The following TMEM163 variants were observed in gnomAD, a reference collection of about 807,000 sequenced individuals.
The protein encoded by TMEM163 is transmembrane protein 163.
A neutral mutation model predicts 29.3 loss-of-function variants in TMEM163; 17 were observed. The ratio of observed to expected loss-of-function variants is 0.58; its 90% confidence interval spans 0.40 to 0.87. The LOEUF (loss-of-function observed/expected upper bound fraction) is 0.87. Ranked by LOEUF, TMEM163 falls within the 40% of genes least tolerant of loss-of-function variation. The pLI is 0.00. For synonymous variants in TMEM163, 157 were observed against 160.6 expected (o/e 0.98, Z 0.17); for missense variants, 303 against 381.5 (o/e 0.79, Z 1.71).
chr2:134,497,076 C>T (rs79314943), intron 5 of TMEM163, among the ~76,000 whole-genome samples: 2 of 152,260 alleles, frequency 1.3e-5, no homozygotes, highest in East Asian at 3.9e-4. Flanking sequence ...CTACTCCAGG[C>T]TTGACAAAAA....
intron 5 of TMEM163, among the ~76,000 whole-genome samples, chr2:134,495,078 T>C (rs1202427448): frequency 6.6e-6 from 1 of 151,882 alleles, no homozygotes; most frequent in South Asian, 2.1e-4. Context: ...TGAGGGGTGG[T>C]GGGAATTGAA....
chr2:134,640,352 T>C (rs1315142847), intron 2 of TMEM163, among the ~76,000 whole-genome samples: 2 of 151,916 alleles, frequency 1.3e-5, no homozygotes, highest in Admixed American at 1.3e-4. Flanking sequence ...ACTTTACCCA[T>C]CAATCCCAAA....
intron 2 of TMEM163, among the ~76,000 whole-genome samples, chr2:134,636,425 C>A (rs1236495333): frequency 6.6e-6 from 1 of 152,216 alleles, no homozygotes; most frequent in Admixed American, 6.5e-5. Context: ...CGTTCAATGT[C>A]ATTTAATTAT....
chr2:134,696,051 CAAA>C (rs60333876), intron 2 of TMEM163, among the ~76,000 whole-genome samples: 17 of 79,124 alleles, frequency 2.1e-4, no homozygotes, highest in East Asian at 3.2e-4. Flanking sequence ...GACACCGTCT[CAAA>C]AAAAAAAAAA....
intron 2 of TMEM163, among the ~76,000 whole-genome samples, chr2:134,639,754 T>A (rs185174221): frequency 6.6e-6 from 1 of 152,362 alleles, no homozygotes; most frequent in African/African-American, 2.4e-5. Context: ...CCCAGCGTAT[T>A]AGATACTTTT....
At chr2:134,549,276 C>T (rs1396354717) in intron 4 of TMEM163, among the ~76,000 whole-genome samples, 1 of 152,170 alleles carries the variant, frequency 6.6e-6, no homozygotes, top group Non-Finnish European at 1.5e-5. Context: ...AGATATGTTA[C>T]TGTCTGAATC....
At chr2:134,590,474 T>C (rs1351378872) in intron 2 of TMEM163, among the ~76,000 whole-genome samples, 2 of 152,176 alleles carry the variant, frequency 1.3e-5, no homozygotes, top group African/African-American at 4.8e-5. Flanking sequence ...GTATTATTTC[T>C]TCTGTGGTCA....
intron 2 of TMEM163, among the ~76,000 whole-genome samples, chr2:134,693,032 C>T (rs1414525792): frequency 6.6e-6 from 1 of 152,122 alleles, no homozygotes; most frequent in African/African-American, 2.4e-5. Context: ...CAAAGTACTG[C>T]CAGGCCATAA....
chr2:134,458,363 T>A (rs1686449409), intron 6 of TMEM163, 190 bp from the exon 7 acceptor site: 6 of 623,036 alleles, frequency 9.6e-6, no homozygotes, highest in Non-Finnish European at 1.4e-5. Context: ...CCTCCCAGAA[T>A]AGAGCCGTCA....
chr2:134,470,872 C>T (rs963607908), intron 5 of TMEM163, among the ~76,000 whole-genome samples: 1 of 152,256 alleles, frequency 6.6e-6, no homozygotes. Context: ...CAGCAGCCTG[C>T]TCAAGACATC....
intron 2 of TMEM163, among the ~76,000 whole-genome samples, chr2:134,637,144 A>G (rs924472741): frequency 1.3e-5 from 2 of 152,238 alleles, no homozygotes; most frequent in Non-Finnish European, 2.9e-5. Flanking sequence ...GGCAAGGTGA[A>G]TTGTTGGGCG....
At chr2:134,574,886 G>C (rs921571548) in intron 2 of TMEM163, among the ~76,000 whole-genome samples, 1 of 152,202 alleles carries the variant, frequency 6.6e-6, no homozygotes, top group African/African-American at 2.4e-5. Flanking sequence ...AGGCTTGCTG[G>C]ACTGAGCACC....
At chr2:134,495,528 C>T (rs1052164952) in intron 5 of TMEM163, among the ~76,000 whole-genome samples, 17 of 152,206 alleles carry the variant, frequency 1.1e-4, no homozygotes, top group African/African-American at 3.9e-4. Flanking sequence ...ATGGTGCATA[C>T]ACAGAAGCCT....
rs186988759 is a variant in TMEM163 at position 134,595,671 on chromosome 2, G to C, written c.323-43580C>G. 4.3e-3 allele frequency among the ~76,000 whole-genome samples: 650 copies of C among 152,292 alleles called. 3 individuals carry two copies. The highest frequency in any genetic ancestry group is 9.1e-3 in the South Asian group (44 of 4,818). On this transcript the variant is annotated intron_variant, in intron 2 of 7. Transcript: ENST00000281924. Reference sequence around the variant, plus strand: ...GGGTCAAATGGTATTTCTAGTTCTAGATCCTTGAGGAATCGCCACACTGTC... The same window carrying C: ...GGGTCAAATGGTATTTCTAGTTCTACATCCTTGAGGAATCGCCACACTGTC...
chr2:134,610,100 G>C (rs1682467059), intron 2 of TMEM163, among the ~76,000 whole-genome samples: 1 of 152,242 alleles, frequency 6.6e-6, no homozygotes, highest in Non-Finnish European at 1.5e-5. Flanking sequence ...GCCAATCTTA[G>C]GAAGCACAAG....
chr2:134,680,169 T>G (rs1684199274), intron 2 of TMEM163, among the ~76,000 whole-genome samples: 1 of 152,338 alleles, frequency 6.6e-6, no homozygotes, highest in African/African-American at 2.4e-5. Flanking sequence ...AAAGAAGTTT[T>G]TCTACATAAT....
intron 5 of TMEM163, among the ~76,000 whole-genome samples, chr2:134,499,865 G>A (rs971416348): frequency 1.3e-5 from 2 of 152,142 alleles, no homozygotes; most frequent in Non-Finnish European, 2.9e-5. Flanking sequence ...GTTTTGCCCA[G>A]ATCCTACCCT....
intron 5 of TMEM163, among the ~76,000 whole-genome samples, chr2:134,488,006 TA>T (rs397949314): frequency 1.3e-3 from 192 of 144,640 alleles, no homozygotes; most frequent in Admixed American, 1.3e-3. Context: ...AATCTCCATT[TA>T]AAAAAAAAAA....
At chr2:134,486,444 G>A (rs1308443908) in intron 5 of TMEM163, among the ~76,000 whole-genome samples, 1 of 152,196 alleles carries the variant, frequency 6.6e-6, no homozygotes, top group Non-Finnish European at 1.5e-5. Context: ...TTGCTTGAGA[G>A]AGAAAGCAAG....
Sources: gnomAD v4.1 joint callset for allele counts (sites outside exome capture counted in the v4.1 genomes callset) on GRCh38, gnomAD v4.1.1 for gene constraint, MANE v1.5 for transcripts, NCBI Gene and HGNC (gene_info 2026-07-23, HGNC 2026-07-21) for gene names.